ASB7: variants seen among roughly 807,000 people sequenced by gnomAD.
The protein encoded by ASB7 is ankyrin repeat and SOCS box containing 7, also known as ankyrin repeat and SOCS box protein 7.
Under a neutral mutation model 32.5 loss-of-function variants are expected in ASB7, and 4 were observed. The ratio of observed to expected loss-of-function variants is 0.12; its 90% CI spans 0.06 to 0.28. ASB7 has a LOEUF of 0.28. Ranked by LOEUF, ASB7 falls within the 10% of genes least tolerant of loss-of-function variation. The pLI, the probability that ASB7 is intolerant of heterozygous loss-of-function variation, is 1.00. For synonymous variants in ASB7, 172 were observed against 155.6 expected (o/e 1.11, Z -0.78); for missense variants, 181 against 407.1 (o/e 0.44, Z 4.78).
intron 4 of ASB7, among the ~76,000 whole-genome samples, chr15:100,619,627 C>A (rs985124175): frequency 6.6e-6 from 1 of 152,164 alleles, no homozygotes; most frequent in Admixed American, 6.5e-5. Context: ...CAGTCACTCA[C>A]CCACCTAGAA....
chr15:100,616,703 G>C (rs1567112917), intron 4 of ASB7, among the ~76,000 whole-genome samples: 2 of 152,156 alleles, frequency 1.3e-5, no homozygotes, highest in Non-Finnish European at 2.9e-5. Flanking sequence ...CCTTTTACCT[G>C]ATACCCTTTC....
chr15:100,614,742 CAAAAAAAAAA>C (rs58705118), intron 4 of ASB7, among the ~76,000 whole-genome samples: 2 of 57,212 alleles, frequency 3.5e-5, no homozygotes, highest in Non-Finnish European at 8.1e-5. Flanking sequence ...AGCTGATGAG[CAAAAAAAAAA>C]AAAAAAAAAG....
intron 4 of ASB7, among the ~76,000 whole-genome samples, chr15:100,624,118 G>A (rs1403726269): frequency 2.6e-5 from 4 of 152,192 alleles, no homozygotes; most frequent in African/African-American, 9.6e-5. Flanking sequence ...CCTCTCGATA[G>A]TAGAGAATAG....
rs746399671 is a variant in ASB7, at chr15:100,648,650, A to T, written c.*188A>T. On this transcript the variant is annotated 3_prime_UTR_variant, in exon 6 of 6. Transcript: ENST00000332783. ...GGGAGGGATTTTTTATATATATATAAAAACACACACCACATGCTTGAAGGT... is the reference window on the plus strand; with the variant it reads ...GGGAGGGATTTTTTATATATATATATAAACACACACCACATGCTTGAAGGT... 1.2e-4 allele frequency: 59 copies of T among 476,430 alleles called. No homozygotes were observed. The highest frequency in any genetic ancestry group is 4.1e-4 in the Admixed American group (10 of 24,534). 29.5% of individuals were successfully genotyped at this position (476,430 alleles called of 1,614,324 possible). A position where few individuals can be genotyped will look rare whatever the true frequency, so the allele number is the denominator to read the frequency against.
chr15:100,617,212 C>G (rs1240134195), intron 4 of ASB7, among the ~76,000 whole-genome samples: 3 of 152,114 alleles, frequency 2.0e-5, no homozygotes, highest in Admixed American at 1.3e-4. Context: ...AGTCTTGCCC[C>G]CTCCCAACCA....
chr15:100,638,994 G>A (rs552417136), intron 5 of ASB7, among the ~76,000 whole-genome samples: 60 of 152,230 alleles, frequency 3.9e-4, no homozygotes, highest in Admixed American at 2.2e-3. Context: ...CAGAGAATAC[G>A]CTAGTTTGGT....
At chr15:100,611,878 G>A (rs2039699763) in intron 3 of ASB7, among the ~76,000 whole-genome samples, 1 of 145,406 alleles carries the variant, frequency 6.9e-6, no homozygotes, top group African/African-American at 2.6e-5. Context: ...GGAGTGCAGT[G>A]TTGCTATCAT....
intron 4 of ASB7, among the ~76,000 whole-genome samples, chr15:100,627,906 C>T (rs1350717074): frequency 2.6e-5 from 4 of 152,264 alleles, no homozygotes; most frequent in Admixed American, 6.5e-5. Context: ...AAGCGATGCA[C>T]CTGGAACCGG....
At chr15:100,608,579 C>T (rs1164983502) in intron 2 of ASB7, among the ~76,000 whole-genome samples, 2 of 152,136 alleles carry the variant, frequency 1.3e-5, no homozygotes, top group Admixed American at 6.5e-5. Context: ...TGAGCACCTC[C>T]TTGCTTTCTG....
chr15:100,622,989 G>GA (rs2141395749), intron 4 of ASB7, among the ~76,000 whole-genome samples: 1 of 152,282 alleles, frequency 6.6e-6, no homozygotes, highest in African/African-American at 2.4e-5. Flanking sequence ...TTAATAGAAT[G>GA]AAGAGACAGC....
At chr15:100,625,902 G>C (rs2039833031) in intron 4 of ASB7, among the ~76,000 whole-genome samples, 1 of 152,158 alleles carries the variant, frequency 6.6e-6, no homozygotes, top group African/African-American at 2.4e-5. Flanking sequence ...AGTGACACTA[G>C]GGTAAATCAT....
chr15:100,642,842 G>C (rs954285797), intron 5 of ASB7, among the ~76,000 whole-genome samples: 3 of 152,184 alleles, frequency 2.0e-5, no homozygotes, highest in African/African-American at 7.2e-5. Context: ...TTTGAGACCA[G>C]CCTGACCAAT....
intron 2 of ASB7, among the ~76,000 whole-genome samples, chr15:100,606,889 T>A (rs1429951947): frequency 1.3e-5 from 2 of 152,162 alleles, no homozygotes; most frequent in Non-Finnish European, 2.9e-5. Flanking sequence ...GCGCGGTGGC[T>A]CACACCTGTA....
At chr15:100,626,851 A>G (rs949776984) in intron 4 of ASB7, among the ~76,000 whole-genome samples, 1 of 152,244 alleles carries the variant, frequency 6.6e-6, no homozygotes, top group Non-Finnish European at 1.5e-5. Flanking sequence ...AGTCAAACAC[A>G]GAAGTCTACA....
chr15:100,621,413 A>G (rs916807980), intron 4 of ASB7, among the ~76,000 whole-genome samples: 2 of 152,192 alleles, frequency 1.3e-5, no homozygotes, highest in African/African-American at 4.8e-5. Flanking sequence ...GCAATTCAGT[A>G]ATTAGAGTAT....
chr15:100,611,749 A>G (rs2039698293), intron 3 of ASB7, among the ~76,000 whole-genome samples: 1 of 150,612 alleles, frequency 6.6e-6, no homozygotes, highest in Non-Finnish European at 1.5e-5. Context: ...CAAAGTGCTA[A>G]GACTGTAGGC....
At chr15:100,637,650 G>C (rs2039933432) in intron 5 of ASB7, among the ~76,000 whole-genome samples, 1 of 152,204 alleles carries the variant, frequency 6.6e-6, no homozygotes, top group Admixed American at 6.5e-5. Flanking sequence ...TTTGGTTCCA[G>C]ATTTCATATT....
At chr15:100,617,092 A>G (rs2039750306) in intron 4 of ASB7, among the ~76,000 whole-genome samples, 2 of 152,056 alleles carry the variant, frequency 1.3e-5, no homozygotes, top group African/African-American at 4.8e-5. Context: ...TGCCTCCTAA[A>G]AAGTTGTCAG....
At chr15:100,636,299 C>G (rs1303942702) in intron 5 of ASB7, among the ~76,000 whole-genome samples, 1 of 152,122 alleles carries the variant, frequency 6.6e-6, no homozygotes, top group East Asian at 1.9e-4. Flanking sequence ...GGTTTTTTGT[C>G]TTGTAAGAAT....
Sources: gnomAD v4.1 joint callset for allele counts (sites outside exome capture counted in the v4.1 genomes callset) on GRCh38, gnomAD v4.1.1 for gene constraint, MANE v1.5 for transcripts, NCBI Gene and HGNC (gene_info 2026-07-23, HGNC 2026-07-21) for gene names.